The following KMT2C variants were observed in gnomAD, a reference collection of about 807,000 sequenced individuals.
KMT2C encodes histone-lysine N-methyltransferase 2C.
A neutral mutation model predicts 507.9 loss-of-function variants in KMT2C; 88 were observed. That is an observed-to-expected ratio of 0.17 (90% CI 0.15 to 0.21). KMT2C has a LOEUF of 0.21. Among genes scored for constraint, KMT2C ranks in the 10% least tolerant of loss-of-function variants. The pLI, the probability that KMT2C is intolerant of heterozygous loss-of-function variation, is 1.00. For missense variants in KMT2C, 4,954 were observed against 5,957.8 expected (o/e 0.83, Z 5.55); for synonymous variants, 2,049 against 2,080.8 (o/e 0.98, Z 0.42).
intron 18 of KMT2C, among the ~76,000 whole-genome samples, chr7:152,226,714 T>A (rs2094944290): frequency 6.6e-6 from 1 of 152,080 alleles, no homozygotes; most frequent in Non-Finnish European, 1.5e-5. Context: ...ACATTTCCAA[T>A]AAAGGGCCAG....
At position 152,391,202 on chromosome 7, in the gene KMT2C, G is replaced by A. The variant is rs538048015; in HGVS notation, c.162-32527C>T. ...TCTCCTCTTTAACATTCTGTTGCAT[G>A]TATGTTTTTCCTAGGTTTTTTGTCG... On this transcript the variant is annotated intron_variant, in intron 1 of 58. Coordinates refer to ENST00000262189, the MANE Select transcript of KMT2C (RefSeq NM_170606.3). 4.2e-5 allele frequency among the ~76,000 whole-genome samples: 6 copies of A among 144,036 alleles called. No individual in the cohort carries two copies. In the South Asian group the frequency reaches 6.7e-4, roughly 16 times the overall value. The allele number at this position is 144,036 out of a possible 152,430, so 94.5% of individuals were successfully genotyped here. A position where few individuals can be genotyped will look rare whatever the true frequency, so the allele number is the denominator to read the frequency against.
intron 7 of KMT2C, among the ~76,000 whole-genome samples, chr7:152,270,543 T>C (rs768950036): frequency 3.1e-4 from 47 of 152,278 alleles, no homozygotes; most frequent in Admixed American, 7.8e-4. Context: ...ACCCACCTAG[T>C]AGGCTACTAT....
intron 39 of KMT2C, among the ~76,000 whole-genome samples, chr7:152,172,919 A>T (rs2093031906): frequency 6.6e-6 from 1 of 152,182 alleles, no homozygotes; most frequent in Non-Finnish European, 1.5e-5. Flanking sequence ...ATATATACAT[A>T]AATTTAATTA....
intron 51 of KMT2C, 106 bp from the exon 52 acceptor site, chr7:152,149,258 A>T: frequency 1.9e-6 from 2 of 1,069,380 alleles, no homozygotes; most frequent in African/African-American, 3.2e-5. Flanking sequence ...AGGATGGGTG[A>T]CCTGAGGGGC....
At chr7:152,139,344 G>A (rs1210352739) in intron 56 of KMT2C, 85 bp from the exon 57 acceptor site, 14 of 1,240,788 alleles carry the variant, frequency 1.1e-5, no homozygotes, top group East Asian at 9.3e-5. Flanking sequence ...GGACTCAGTC[G>A]AAACTGAACG....
chr7:152,221,021 G>A (rs564387981), intron 22 of KMT2C, among the ~76,000 whole-genome samples: 7 of 152,272 alleles, frequency 4.6e-5, no homozygotes, highest in East Asian at 3.9e-4. Flanking sequence ...TTGGGGGGCC[G>A]AGGCGGCAGG....
Position 152,162,716 on chromosome 7 carries a change from C to T in KMT2C, c.10861G>A (p.Ala3621Thr), listed in dbSNP as rs1301436858. 1 of 1,614,166 alleles carries T rather than the reference C, an allele frequency of 6.2e-7. No homozygotes were observed. The highest frequency in any genetic ancestry group is 2.2e-5 in the East Asian group (1 of 44,878). ...KRDDDAESTK[A>T]PSTPHSDITA... ...ATATCTGAATGGGGAGTTGATGGAG[C>T]CTTGGTGGATTCTGCATCATCATCT... is the stretch of plus-strand genomic sequence containing the variant. Residue 3621 changes from alanine (A) to threonine (T), a missense_variant, in exon 43 of 59, where the codon GCT becomes ACT. Around this residue, in one of 29 missense-constraint regions of KMT2C, gnomAD observed 801 missense variants for 751.2 expected, o/e 1.07. Transcript: ENST00000262189.
intron 1 of KMT2C, among the ~76,000 whole-genome samples, chr7:152,401,687 T>G (rs1241482341): frequency 6.6e-6 from 1 of 151,336 alleles, no homozygotes; most frequent in Non-Finnish European, 1.5e-5. Context: ...CAAGACTGTC[T>G]CAAAAAAATA....
chr7:152,318,011 G>A (rs1235934562), intron 3 of KMT2C, among the ~76,000 whole-genome samples: 10 of 151,842 alleles, frequency 6.6e-5, no homozygotes, highest in African/African-American at 1.9e-4. Context: ...GGTGGCAGGC[G>A]CCCGTAATCC....
chr7:152,367,984 T>C, intron 1 of KMT2C: 1 of 875,424 alleles, frequency 1.1e-6, no homozygotes, highest in Non-Finnish European at 1.9e-6. Flanking sequence ...AAACAGATAA[T>C]GAAAGAAATC....
At chr7:152,226,389 C>T (rs1419352119) in intron 18 of KMT2C, among the ~76,000 whole-genome samples, 2 of 151,908 alleles carry the variant, frequency 1.3e-5, no homozygotes, top group East Asian at 1.9e-4. Flanking sequence ...TGAGCCACCA[C>T]ACCCAGCTAA....
chr7:152,203,544 T>C (rs1028630801), intron 25 of KMT2C, among the ~76,000 whole-genome samples: 1 of 152,160 alleles, frequency 6.6e-6, no homozygotes, highest in African/African-American at 2.4e-5. Flanking sequence ...GATATACACA[T>C]TGTGAAAACA....
chr7:152,374,668 G>A (rs75317354), intron 1 of KMT2C, among the ~76,000 whole-genome samples: 1,982 of 152,106 alleles, frequency 0.013, 43 homozygotes, highest in African/African-American at 0.046. Flanking sequence ...GGAAGCCAAG[G>A]TGGGTGGATC....
At chr7:152,251,064 C>A in intron 11 of KMT2C, 98 bp from the exon 12 acceptor site, 1 of 654,898 alleles carries the variant, frequency 1.5e-6, no homozygotes, top group South Asian at 1.8e-5. Context: ...GGCAAATCAT[C>A]ACCAAAAATG....
intron 1 of KMT2C, among the ~76,000 whole-genome samples, chr7:152,360,133 CTA>C (rs946669721): frequency 2.7e-5 from 4 of 149,026 alleles, no homozygotes; most frequent in African/African-American, 7.4e-5. Context: ...AAACAAAGAA[CTA>C]TGTTTTAAAC....
intron 1 of KMT2C, among the ~76,000 whole-genome samples, chr7:152,418,598 A>T (rs2097760198): frequency 6.6e-6 from 1 of 151,664 alleles, no homozygotes. Context: ...CACCTGGCTA[A>T]TTTTTGTATT....
chr7:152,232,394 T>C (rs1273902209), intron 16 of KMT2C, among the ~76,000 whole-genome samples: 5 of 152,146 alleles, frequency 3.3e-5, no homozygotes, highest in Non-Finnish European at 7.4e-5. Context: ...CAAAAGACGT[T>C]GTTGAGTGAA....
chr7:152,174,258 A>G lies in KMT2C; in HGVS notation c.9263-16T>C, dbSNP rs965413301. ...GCATCAAAATCTAGAAAAGAAATATAAAGTTACTTATTTCATAGTAATTAG... is the reference window on the plus strand; with the variant it reads ...GCATCAAAATCTAGAAAAGAAATATGAAGTTACTTATTTCATAGTAATTAG... On this transcript the variant is annotated splice_polypyrimidine_tract_variant and intron_variant, in intron 38 of 58. Coordinates refer to ENST00000262189, the MANE Select transcript of KMT2C (RefSeq NM_170606.3). The G allele has an allele frequency of 1.5e-6, 2 of 1,314,726 alleles. No individual in the cohort carries two copies. The highest frequency in any genetic ancestry group is 2.2e-6 in the Non-Finnish European group (2 of 916,218). 81.4% of individuals were successfully genotyped at this position (1,314,726 alleles called of 1,614,324 possible).
chr7:152,311,904 T>G lies in KMT2C; in HGVS notation c.633A>C (p.Val211=). 1 of 1,610,126 alleles carries G rather than the reference T, an allele frequency of 6.2e-7. No homozygotes were observed. The change falls in exon 5 of 59, where the codon GTA becomes GTC. Residue 211 remains valine (V), a synonymous_variant. Coordinates refer to ENST00000262189, the MANE Select transcript of KMT2C (RefSeq NM_170606.3). ...PQQNIVSCVS[V]STQTASDDQA... ...GATCATCTGAAGCTGTCTGGGTGCT[T>G]ACACTTACACAAGATACTATATTCT...
Sources: gnomAD v4.1 joint callset for allele counts (sites outside exome capture counted in the v4.1 genomes callset) on GRCh38, gnomAD v4.1.1 for gene constraint, gnomAD v4.1.1 regional missense constraint, MANE v1.5 for transcripts, NCBI Gene and HGNC (gene_info 2026-07-23, HGNC 2026-07-21) for gene names.